Variants in SLC17A3 observed in about 807,000 individuals in gnomAD.
The protein encoded by SLC17A3 is solute carrier family 17 member 3.
SLC17A3 carries 61 observed loss-of-function variants against 60.3 expected under a neutral mutation model. The ratio of observed to expected loss-of-function variants is 1.01; its 90% CI spans 0.82 to 1.25. The LOEUF (loss-of-function observed/expected upper bound fraction) is 1.25. Among genes scored for constraint, SLC17A3 ranks in the 50% most tolerant of loss-of-function variants. The pLI, the probability that SLC17A3 is intolerant of heterozygous loss-of-function variation, is 0.00. For missense variants in SLC17A3, 624 were observed against 594.9 expected (o/e 1.05, Z -0.51); for synonymous variants, 192 against 208.9 (o/e 0.92, Z 0.70).
chr6:25,861,480 TAGACAAAGGACCAGTC>T, intron 5 of SLC17A3, 128 bp downstream of exon 5: 1 of 742,162 alleles, frequency 1.3e-6, no homozygotes, highest in South Asian at 1.5e-5. Flanking sequence ...AGTCATGTCA[TAGACAAAGGACCAGTC>T]TTTTTAATTT....
At chr6:25,861,574 G>T in intron 5 of SLC17A3, 50 bp downstream of exon 5, 1 of 1,467,556 alleles carries the variant, frequency 6.8e-7, no homozygotes, top group South Asian at 1.1e-5. Flanking sequence ...AAGGAACCCA[G>T]TGGGAAAATG....
At chr6:25,862,828 TTAAA>T (rs1765475227) in intron 2 of SLC17A3, among the ~76,000 whole-genome samples, 2 of 151,782 alleles carry the variant, frequency 1.3e-5, no homozygotes, top group African/African-American at 4.8e-5. Flanking sequence ...GTGCACATAT[TTAAA>T]TAGCTACATA....
intron 6 of SLC17A3, among the ~76,000 whole-genome samples, chr6:25,853,529 C>T (rs1367236895): frequency 2.0e-5 from 3 of 150,578 alleles, no homozygotes; most frequent in African/African-American, 4.9e-5. Context: ...GCCATTCTCC[C>T]GCCTCAGCCT....
At chr6:25,873,391 G>T (rs928208918) in intron 1 of SLC17A3, among the ~76,000 whole-genome samples, 2 of 152,088 alleles carry the variant, frequency 1.3e-5, no homozygotes, top group Admixed American at 1.3e-4. Context: ...CCACATTGAG[G>T]ATCAGCTTTC....
intron 6 of SLC17A3, among the ~76,000 whole-genome samples, chr6:25,853,077 A>G (rs534115368): frequency 6.6e-6 from 1 of 152,300 alleles, no homozygotes; most frequent in Non-Finnish European, 1.5e-5. Context: ...AACAACATTT[A>G]TGAGTATTCC....
intron 7 of SLC17A3, 52 bp from the exon 8 acceptor site, chr6:25,850,672 C>CT (rs747673305): frequency 8.2e-5 from 132 of 1,610,724 alleles, no homozygotes; most frequent in Admixed American, 8.3e-5. Context: ...TGCTCACACA[C>CT]TTAGTCACCC....
rs765112090 is a variant in SLC17A3, at chr6:25,862,336, A to C, written c.200T>G (p.Val67Gly). ...CTGGGATTGAGGGCTTGTGCTGTTGACCATGGCTACCATGGTGATGTTCAT... is the reference window on the plus strand; with the variant it reads ...CTGGGATTGAGGGCTTGTGCTGTTGCCCATGGCTACCATGGTGATGTTCAT... Reference protein sequence around the residue: ...VIMNITMVAMVNSTSPQSQLN... With the variant: ...VIMNITMVAMGNSTSPQSQLN... Residue 67 changes from valine to glycine, a missense_variant, in exon 3 of 13, where the codon GTC becomes GGC. Val to Gly is a moderately radical substitution (Grantham distance 109, BLOSUM62 -3). Coordinates refer to ENST00000397060, the MANE Select transcript of SLC17A3 (RefSeq NM_001098486.2). The C allele has an allele frequency of 4.3e-6, 7 of 1,613,814 alleles. No homozygotes were observed. The highest frequency in any genetic ancestry group is 5.1e-6 in the Non-Finnish European group (6 of 1,179,760).
At chr6:25,846,731 C>A (rs1482523230) in intron 11 of SLC17A3, among the ~76,000 whole-genome samples, 5 of 152,266 alleles carry the variant, frequency 3.3e-5, no homozygotes, top group African/African-American at 1.2e-4. Context: ...CTGCCTCAGC[C>A]TCCCGAGTAG....
intron 5 of SLC17A3, among the ~76,000 whole-genome samples, chr6:25,857,605 A>T (rs994989929): frequency 1.3e-5 from 2 of 152,044 alleles, no homozygotes; most frequent in East Asian, 3.9e-4. Context: ...GTGTTGCCTC[A>T]TTTAAGCCCT....
chr6:25,868,202 G>GT, intron 2 of SLC17A3, 95 bp downstream of exon 2: 1 of 910,078 alleles, frequency 1.1e-6, no homozygotes, highest in East Asian at 2.6e-5. Context: ...AAGAATTAAA[G>GT]AACTTAAAAA....
At position 25,845,221 on chromosome 6, in the gene SLC17A3, C is replaced by A; in HGVS notation, c.*80G>T. The A allele has an allele frequency of 1.4e-6, 1 of 733,846 alleles. No individual in the cohort carries two copies. The highest frequency in any genetic ancestry group is 2.7e-5 in the East Asian group (1 of 37,046). 45.5% of individuals were successfully genotyped at this position (733,846 alleles called of 1,614,324 possible). Reference sequence around the variant, plus strand: ...AGCCACAGGAAAAAAAAAATCTTTTCACTGGTATTTTCATCACGGAAGCCT... The same window carrying A: ...AGCCACAGGAAAAAAAAAATCTTTTAACTGGTATTTTCATCACGGAAGCCT... On this transcript the variant is annotated 3_prime_UTR_variant, in exon 13 of 13. Transcript: ENST00000397060.
intron 5 of SLC17A3, among the ~76,000 whole-genome samples, chr6:25,860,852 A>G (rs1765434928): frequency 1.3e-5 from 2 of 152,110 alleles, no homozygotes. Context: ...ATAATCCCTC[A>G]GTGTGATAAA....
chr6:25,868,061 G>A (rs908915087), intron 2 of SLC17A3, among the ~76,000 whole-genome samples: 1 of 151,606 alleles, frequency 6.6e-6, no homozygotes, highest in East Asian at 1.9e-4. Flanking sequence ...CAATTCAGTA[G>A]CAATTATCAA....
intron 11 of SLC17A3, among the ~76,000 whole-genome samples, chr6:25,847,127 C>T (rs1765187605): frequency 6.6e-6 from 1 of 151,986 alleles, no homozygotes; most frequent in Non-Finnish European, 1.5e-5. Flanking sequence ...TCCTTGTGTC[C>T]ATGAATGCTC....
At chr6:25,864,784 T>G (rs1340570866) in intron 2 of SLC17A3, among the ~76,000 whole-genome samples, 2 of 151,944 alleles carry the variant, frequency 1.3e-5, no homozygotes, top group Non-Finnish European at 2.9e-5. Flanking sequence ...GGCATAACAT[T>G]GGGAGTTAAT....
intron 1 of SLC17A3, 48 bp from the exon 2 acceptor site, chr6:25,868,468 C>T: frequency 5.8e-6 from 7 of 1,211,182 alleles, no homozygotes; most frequent in South Asian, 3.7e-5. Flanking sequence ...GAGAAAGAGA[C>T]TCCCCGTTGA....
intron 2 of SLC17A3, among the ~76,000 whole-genome samples, chr6:25,867,440 G>A (rs1299372364): frequency 2.0e-5 from 3 of 151,902 alleles, no homozygotes; most frequent in Non-Finnish European, 4.4e-5. Flanking sequence ...AATGAAATAC[G>A]TAAACTCTTT....
At chr6:25,864,628 C>CT (rs70977236) in intron 2 of SLC17A3, among the ~76,000 whole-genome samples, 36,822 of 151,592 alleles carry the variant, frequency 0.24, 4,648 homozygotes, top group African/African-American at 0.29. Flanking sequence ...GAAGAAAGTT[C>CT]TTGGAAGGAG....
At chr6:25,867,841 A>C (rs1432660524) in intron 2 of SLC17A3, among the ~76,000 whole-genome samples, 1 of 151,998 alleles carries the variant, frequency 6.6e-6, no homozygotes, top group Non-Finnish European at 1.5e-5. Flanking sequence ...AACACAATAC[A>C]TAAACTATAG....
Sources: allele counts gnomAD v4.1 joint callset (sites outside exome capture counted in the v4.1 genomes callset), GRCh38; gene constraint gnomAD v4.1.1; transcripts MANE v1.5; gene names NCBI Gene and HGNC (gene_info 2026-07-23, HGNC 2026-07-21).